Variants in DEF6 observed in about 807,000 individuals in gnomAD.
DEF6 encodes the protein differentially expressed in FDCP 6 homolog.
Under a neutral mutation model 80.5 loss-of-function variants are expected in DEF6, and 32 were observed. That is an observed-to-expected ratio of 0.40 (90% confidence interval 0.30 to 0.53). The LOEUF is 0.53. Ranked by LOEUF, DEF6 falls within the 20% of genes least tolerant of loss-of-function variation. The probability of loss-of-function intolerance (pLI) is 0.57; values close to 1 mark genes in which losing one functional copy is unlikely to be tolerated. For synonymous variants in DEF6, 300 were observed against 337.9 expected (o/e 0.89, Z 1.23); for missense variants, 575 against 818.7 (o/e 0.70, Z 3.63).
chr6:35,303,212 A>G (rs1315664152), intron 1 of DEF6, among the ~76,000 whole-genome samples: 8 of 152,120 alleles, frequency 5.3e-5, no homozygotes, highest in African/African-American at 1.9e-4. Context: ...TGGGTTCTTC[A>G]GGATCCAATG....
Position 35,309,795 on chromosome 6 carries a change from G to A in DEF6, c.222G>A (p.Lys74=). ...SSQGYMPYLN[K]YILDKVEEGA... ...AGGGATACATGCCCTACCTCAACAA[G>A]TACATCCTGGACAAGGTGGGGCCCA... Residue 74 remains lysine, a synonymous_variant, in exon 2 of 11, where the codon AAG becomes AAA. Transcript: ENST00000316637. 2 of 1,614,012 alleles carry A rather than the reference G, an allele frequency of 1.2e-6. No homozygotes were observed. The highest frequency in any genetic ancestry group is 1.7e-6 in the Non-Finnish European group (2 of 1,179,978).
rs545809953 is a variant in DEF6 at position 35,311,041 on chromosome 6, G to T, written c.423+397G>T. Among the ~76,000 whole-genome samples the T allele has an allele frequency of 7.2e-5, 11 of 152,292 alleles. No homozygotes were observed. In the East Asian group the frequency reaches 1.9e-3, roughly 27 times the overall value. ...GGAAGGATGCTTTACAAGGCAAGGG[G>T]AGACCTTTCTGAGACAGGAGGTTAC... On this transcript the variant is annotated intron_variant, in intron 3 of 10. Coordinates refer to ENST00000316637, the MANE Select transcript of DEF6 (RefSeq NM_022047.4).
At chr6:35,320,746 T>A in intron 9 of DEF6, 138 bp from the exon 10 acceptor site, 1 of 688,238 alleles carries the variant, frequency 1.5e-6, no homozygotes, top group East Asian at 2.7e-5. Context: ...AATAACTCTA[T>A]GAGCATATAT....
intron 1 of DEF6, among the ~76,000 whole-genome samples, chr6:35,301,883 C>T (rs756666123): frequency 2.4e-4 from 36 of 152,044 alleles, no homozygotes; most frequent in Non-Finnish European, 1.6e-4. Context: ...CCCACCACCA[C>T]GCCCAGCTAA....
intron 1 of DEF6, among the ~76,000 whole-genome samples, chr6:35,308,759 TAAAA>T (rs35303955): frequency 2.2e-4 from 33 of 149,762 alleles, no homozygotes; most frequent in African/African-American, 7.3e-4. Context: ...TAAAATAAAA[TAAAA>T]AACAGTTTTA....
Position 35,320,027 on chromosome 6 carries a change from G to T in DEF6, c.1581+10G>T. The stretch of plus-strand genomic sequence containing the variant: ...TGACGAGGATGTGGAGGTGAGGCCT[G>T]GGGTGGGATGGGGTGGAGGCTGGCA... On this transcript the variant is annotated intron_variant, in intron 9 of 10. Transcript: ENST00000316637. 6.4e-7 allele frequency: 1 copy of T among 1,553,986 alleles called. No homozygotes were observed. The highest frequency in any genetic ancestry group is 2.0e-5 in the Admixed American group (1 of 51,054).
chr6:35,315,117 C>G (rs1192955796), intron 5 of DEF6, among the ~76,000 whole-genome samples: 1 of 152,108 alleles, frequency 6.6e-6, no homozygotes, highest in African/African-American at 2.4e-5. Flanking sequence ...CTATTCTGTT[C>G]CATTGGTCTT....
chr6:35,312,525 A>G lies in DEF6; in HGVS notation c.647A>G (p.Asp216Gly), dbSNP rs1302066900. Residue 216 changes from aspartate (D) to glycine (G), a missense_variant, in exon 4 of 11, where the codon GAT (aspartate) becomes GGT (glycine). Physicochemically the swap from Asp to Gly is moderately conservative, Grantham distance 94 (BLOSUM62 -1). Transcript: ENST00000316637. The surrounding 1 kb of genome is among the most constrained non-coding windows in gnomAD (Gnocchi z 6.6). Reference protein sequence around the residue: ...IHEVYQELIQDVLKQGYLWKR... With the variant: ...IHEVYQELIQGVLKQGYLWKR... Reference sequence around the variant, plus strand: ...GAGGTCTACCAGGAGCTCATCCAAGATGTCCTGAAGCAGGTCAGGCAAGCT... The same window carrying G: ...GAGGTCTACCAGGAGCTCATCCAAGGTGTCCTGAAGCAGGTCAGGCAAGCT... 1.9e-6 allele frequency: 3 copies of G among 1,613,982 alleles called. No homozygotes were observed. The highest frequency in any genetic ancestry group is 2.5e-6 in the Non-Finnish European group (3 of 1,180,020).
Position 35,312,850 on chromosome 6 carries a change from G to A in DEF6, c.807+78G>A. On this transcript the variant is annotated intron_variant, in intron 5 of 10. Transcript: ENST00000316637. The surrounding 1 kb of genome is among the most constrained non-coding windows in gnomAD (Gnocchi z 6.6). ...GGGCATGAGAAGACAAGGGGGTCAG[G>A]AGAGGGGCAAATGGAGAAAAGCCAC... 2 of 1,491,092 alleles carry A rather than the reference G, an allele frequency of 1.3e-6. No individual in the cohort carries two copies. The allele number at this position is 1,491,092 out of a possible 1,614,324, so 92.4% of individuals were successfully genotyped here. A position where few individuals can be genotyped will look rare whatever the true frequency, so the allele number is the denominator to read the frequency against.
chr6:35,320,430 T>TC (rs1360667254), intron 9 of DEF6, among the ~76,000 whole-genome samples: 2 of 151,730 alleles, frequency 1.3e-5, no homozygotes, highest in Non-Finnish European at 2.9e-5. Flanking sequence ...TCCTCCATGA[T>TC]CCCCCCCACC....
chr6:35,307,943 A>C (rs1032331502), intron 1 of DEF6, among the ~76,000 whole-genome samples: 1 of 152,206 alleles, frequency 6.6e-6, no homozygotes, highest in African/African-American at 2.4e-5. Context: ...GTGGTGGAAG[A>C]AGCCCTTCAA....
At chr6:35,308,097 C>G (rs1791414544) in intron 1 of DEF6, among the ~76,000 whole-genome samples, 1 of 152,324 alleles carries the variant, frequency 6.6e-6, no homozygotes, top group Admixed American at 6.5e-5. Context: ...GGAAGGCAAC[C>G]TGTGAACCAG....
intron 1 of DEF6, 134 bp downstream of exon 1, chr6:35,298,086 G>T: frequency 1.3e-6 from 1 of 791,222 alleles, no homozygotes; most frequent in Non-Finnish European, 2.1e-6. Flanking sequence ...GGGGTCGGGG[G>T]GCTGGTCCTG....
At chr6:35,303,987 C>T (rs895966552) in intron 1 of DEF6, among the ~76,000 whole-genome samples, 32 of 152,078 alleles carry the variant, frequency 2.1e-4, no homozygotes, top group African/African-American at 6.5e-4. Flanking sequence ...CAAAAATTAG[C>T]TGGATGTTGG....
chr6:35,313,378 G>T (rs922627578), intron 5 of DEF6: 1 of 406,824 alleles, frequency 2.5e-6, no homozygotes, highest in Non-Finnish European at 4.7e-6. Flanking sequence ...CAGGGTACAT[G>T]TGATAATTTA....
intron 10 of DEF6, 98 bp downstream of exon 10, chr6:35,321,072 C>CA: frequency 6.4e-7 from 1 of 1,554,608 alleles, no homozygotes. Context: ...CCAGGGCCAG[C>CA]AAAAGCAGGA....
intron 3 of DEF6, among the ~76,000 whole-genome samples, chr6:35,311,129 G>A (rs143041756): frequency 8.7e-4 from 132 of 152,252 alleles, no homozygotes; most frequent in African/African-American, 2.8e-3. Flanking sequence ...TCAGCTAAGA[G>A]ACCCAGGGAT....
At chr6:35,313,229 C>T in intron 5 of DEF6, 1 of 355,068 alleles carries the variant, frequency 2.8e-6, no homozygotes, top group South Asian at 2.1e-5. Flanking sequence ...AGCGTCTTTA[C>T]TATTTTAAAT....
In DEF6 at chr6:35,318,632, C is replaced by A. The variant is rs971519081; in HGVS notation, c.1215+161C>A. 6.6e-6 allele frequency among the ~76,000 whole-genome samples: 1 copy of A among 151,846 alleles called. No homozygotes were observed. The highest frequency in any genetic ancestry group is 1.5e-5 in the Non-Finnish European group (1 of 67,962). Reference sequence around the variant, plus strand: ...TGAGGGATTGTTGGGACAGAGTCCGCGGGTTTGAAAAAGAGATTTGGGATG... The same window carrying A: ...TGAGGGATTGTTGGGACAGAGTCCGAGGGTTTGAAAAAGAGATTTGGGATG... On this transcript the variant is annotated intron_variant, in intron 7 of 10. Coordinates refer to ENST00000316637, the MANE Select transcript of DEF6 (RefSeq NM_022047.4). This position sits in a 1 kb window ranked among gnomAD's most constrained non-coding sequence, Gnocchi z 5.1.
Sources: gnomAD v4.1 joint callset for allele counts (sites outside exome capture counted in the v4.1 genomes callset) on GRCh38, gnomAD v4.1.1 for gene constraint, Gnocchi (gnomAD v3.1) non-coding constraint, MANE v1.5 for transcripts, NCBI Gene and HGNC (gene_info 2026-07-23, HGNC 2026-07-21) for gene names.